SLX4IP: variants seen among roughly 807,000 people sequenced by gnomAD.
The protein encoded by SLX4IP is protein SLX4IP.
SLX4IP carries 34 observed loss-of-function variants against 32.9 expected under a neutral mutation model. The ratio of observed to expected loss-of-function variants is 1.03; its 90% CI spans 0.79 to 1.38. The LOEUF (loss-of-function observed/expected upper bound fraction) is 1.38. SLX4IP is among the 40% of genes most tolerant of loss of function. The probability of loss-of-function intolerance (pLI) is 0.00; values close to 1 mark genes in which losing one functional copy is unlikely to be tolerated. For synonymous variants in SLX4IP, 172 were observed against 171.7 expected (o/e 1.00, Z -0.01); for missense variants, 444 against 479.0 (o/e 0.93, Z 0.68).
chr20:10,586,349 A>G (rs575238855), intron 4 of SLX4IP, among the ~76,000 whole-genome samples: 1 of 152,366 alleles, frequency 6.6e-6, no homozygotes, highest in East Asian at 1.9e-4. Flanking sequence ...GAGGCAAAGT[A>G]AAGAAATTAC....
At chr20:10,445,737 G>C (rs1243841698) in intron 1 of SLX4IP, among the ~76,000 whole-genome samples, 3 of 150,656 alleles carry the variant, frequency 2.0e-5, no homozygotes, top group Non-Finnish European at 4.4e-5. Context: ...CGATTCTCCC[G>C]CCTCGGCCTC....
At chr20:10,488,419 G>A (rs920839257) in intron 2 of SLX4IP, among the ~76,000 whole-genome samples, 3 of 152,154 alleles carry the variant, frequency 2.0e-5, no homozygotes, top group South Asian at 2.1e-4. Flanking sequence ...TCCATACTCA[G>A]AAGGAACCAA....
At position 10,598,758 on chromosome 20, in the gene SLX4IP, A is replaced by G. The variant is rs763616554; in HGVS notation, c.316+6A>G. 4 of 1,613,836 alleles carry G rather than the reference A, an allele frequency of 2.5e-6. No individual in the cohort carries two copies. Among genetic ancestry groups the G allele is most frequent in the Non-Finnish European group, 3.4e-6 (4 of 1,179,752 alleles). ...CAGGAGCACACAGAATGCTGGTAAG[A>G]AGCCGATTTCTTGGTTTGTCAGACA... On this transcript the variant is annotated splice_donor_region_variant and intron_variant, in intron 5 of 7. Transcript: ENST00000334534.
chr20:10,549,747 G>A (rs1444403604), intron 2 of SLX4IP, among the ~76,000 whole-genome samples: 1 of 152,190 alleles, frequency 6.6e-6, no homozygotes, highest in Non-Finnish European at 1.5e-5. Flanking sequence ...TCTACGAAAT[G>A]CAAATAATCA....
intron 6 of SLX4IP, among the ~76,000 whole-genome samples, chr20:10,617,398 C>T (rs960776575): frequency 6.6e-6 from 1 of 152,128 alleles, no homozygotes. Flanking sequence ...CACTGGCCTG[C>T]GGGAGCCCCT....
chr20:10,602,884 T>G (rs111357903), intron 6 of SLX4IP, among the ~76,000 whole-genome samples: 2,018 of 152,330 alleles, frequency 0.013, 25 homozygotes, highest in Non-Finnish European at 0.02. Context: ...AACTTATATT[T>G]AAATTTAGAT....
chr20:10,547,694 T>C (rs1344687738), intron 2 of SLX4IP, among the ~76,000 whole-genome samples: 1 of 152,208 alleles, frequency 6.6e-6, no homozygotes, highest in Non-Finnish European at 1.5e-5. Context: ...TTAGCTTGAT[T>C]CTGCAGTGTT....
chr20:10,488,763 A>G (rs1270056264), intron 2 of SLX4IP, among the ~76,000 whole-genome samples: 3 of 152,160 alleles, frequency 2.0e-5, no homozygotes, highest in Non-Finnish European at 2.9e-5. Flanking sequence ...AGCAAAGAAT[A>G]TGTTTTTTTC....
rs535192907 is a variant in SLX4IP, at chr20:10,594,355, A to G, written c.239-4320A>G. Among the ~76,000 whole-genome samples, 187 of 152,284 alleles carry G rather than the reference A, an allele frequency of 1.2e-3. 1 individual carries two copies. The highest frequency in any genetic ancestry group is 3.8e-3 in the African/African-American group (158 of 41,576). On this transcript the variant is annotated intron_variant, in intron 4 of 7. Transcript: ENST00000334534. ...ACACAGGTGGTGGGTGGGGTCCACA[A>G]TGAAGTGGAATTCACCTGCCCGGAG...
intron 2 of SLX4IP, among the ~76,000 whole-genome samples, chr20:10,536,215 G>A (rs1231323084): frequency 6.6e-6 from 1 of 152,182 alleles, no homozygotes; most frequent in Non-Finnish European, 1.5e-5. Context: ...ATGGACAGGA[G>A]AGAGGATAAC....
At chr20:10,525,732 G>T (rs201352589) in intron 2 of SLX4IP, among the ~76,000 whole-genome samples, 1 of 152,148 alleles carries the variant, frequency 6.6e-6, no homozygotes, top group East Asian at 1.9e-4. Flanking sequence ...ATTTCTTCGT[G>T]TCTTCCTGGA....
intron 4 of SLX4IP, among the ~76,000 whole-genome samples, chr20:10,592,928 A>G (rs1398055184): frequency 6.6e-5 from 10 of 152,026 alleles, no homozygotes; most frequent in Admixed American, 6.6e-4. Flanking sequence ...CACTGTGCCT[A>G]GCCTCTTCAT....
chr20:10,475,214 G>C (rs1367993369), intron 2 of SLX4IP, among the ~76,000 whole-genome samples: 1 of 152,208 alleles, frequency 6.6e-6, no homozygotes, highest in Non-Finnish European at 1.5e-5. Context: ...GGTGTATTGA[G>C]GTCATGCATA....
At chr20:10,498,679 C>A (rs1030096527) in intron 2 of SLX4IP, among the ~76,000 whole-genome samples, 2 of 95,064 alleles carry the variant, frequency 2.1e-5, no homozygotes, top group Admixed American at 1.1e-4. Context: ...TTTTTCTTTT[C>A]TTTTCTTTTT....
At chr20:10,514,941 C>T (rs1666225374) in intron 2 of SLX4IP, among the ~76,000 whole-genome samples, 1 of 152,118 alleles carries the variant, frequency 6.6e-6, no homozygotes, top group South Asian at 2.1e-4. Context: ...TCTCTGGCTT[C>T]AAGATCTCTT....
At chr20:10,604,263 G>A (rs954308190) in intron 6 of SLX4IP, among the ~76,000 whole-genome samples, 6 of 152,246 alleles carry the variant, frequency 3.9e-5, no homozygotes, top group Admixed American at 2.0e-4. Flanking sequence ...AACTTCAGTT[G>A]TTTTTGTATA....
intron 1 of SLX4IP, among the ~76,000 whole-genome samples, chr20:10,452,681 A>G (rs2065252099): frequency 2.8e-5 from 1 of 35,114 alleles, no homozygotes; most frequent in Non-Finnish European, 9.3e-5. Context: ...AAAAAAAAAA[A>G]TATATATATA....
chr20:10,601,512 AG>A, intron 5 of SLX4IP, among the ~76,000 whole-genome samples: 1 of 152,324 alleles, frequency 6.6e-6, no homozygotes, highest in Middle Eastern at 3.4e-3. Flanking sequence ...CCCGGGGCGC[AG>A]GTGGACCAAT....
At chr20:10,492,569 A>C (rs1355068324) in intron 2 of SLX4IP, among the ~76,000 whole-genome samples, 2 of 151,890 alleles carry the variant, frequency 1.3e-5, no homozygotes, top group Non-Finnish European at 2.9e-5. Context: ...TTTGTCATTT[A>C]TATTTGTTAT....
Sources: gnomAD v4.1 joint callset for allele counts (sites outside exome capture counted in the v4.1 genomes callset) on GRCh38, gnomAD v4.1.1 for gene constraint, MANE v1.5 for transcripts, NCBI Gene and HGNC (gene_info 2026-07-23, HGNC 2026-07-21) for gene names.